The following FGF13 variants were observed in gnomAD, a reference collection of about 807,000 sequenced individuals.
FGF13 encodes fibroblast growth factor 13.
A neutral mutation model predicts 19.5 loss-of-function variants in FGF13; 2 were observed. The observed-to-expected ratio is 0.10, with a 90% CI of 0.04 to 0.32. FGF13 has a LOEUF of 0.32. Ranked by LOEUF, FGF13 falls within the 10% of genes least tolerant of loss-of-function variation. FGF13 has a pLI of 1.00. For synonymous variants in FGF13, 72 were observed against 76.9 expected, an observed-to-expected ratio of 0.94 and a Z score of 0.33; for missense variants, 113 against 192.7, an observed-to-expected ratio of 0.59 and a Z score of 2.45.
At chrX:139,020,721 G>C (rs1213843933) in intron 1 of FGF13, among the ~76,000 whole-genome samples, 3 of 111,598 alleles carry the variant, frequency 2.7e-5, no homozygotes, top group Non-Finnish European at 3.8e-5. Context: ...TAATGGTCAA[G>C]TCACATTCTT....
At chrX:139,086,808 G>A (rs1287522227) in intron 1 of FGF13, among the ~76,000 whole-genome samples, 1 of 112,793 alleles carries the variant, frequency 8.9e-6, no homozygotes, top group African/African-American at 3.2e-5. Context: ...TTATTCATGT[G>A]AAAATTTTTG....
chrX:138,721,149 A>G (rs746063479), intron 1 of FGF13, among the ~76,000 whole-genome samples: 10 of 111,917 alleles, frequency 8.9e-5, no homozygotes, highest in African/African-American at 3.2e-4. Context: ...CATGTATGTC[A>G]TGGTAAGTCA....
At chrX:138,690,458 A>G (rs1419089155) in intron 3 of FGF13, among the ~76,000 whole-genome samples, 1 of 111,041 alleles carries the variant, frequency 9.0e-6, no homozygotes, top group Non-Finnish European at 1.9e-5. Flanking sequence ...GGACTTTGAT[A>G]CATCTAAAAG....
chrX:138,682,574 T>C, intron 3 of FGF13, among the ~76,000 whole-genome samples: 1 of 112,129 alleles, frequency 8.9e-6, no homozygotes, highest in Non-Finnish European at 1.9e-5. Context: ...GTAATTGTGG[T>C]AGTTAGAGGC....
rs1012086948 is a variant in FGF13 at position 138,665,034 on chromosome X, G to C, written c.403-29379C>G. On this transcript the variant is annotated intron_variant, in intron 3 of 4. Transcript: ENST00000315930. ...AACACAACCAAGATCTTTGTTTGTA[G>C]GAAAGGGGTTCTCAGTGACCTAGAG... Among the ~76,000 whole-genome samples the C allele has an allele frequency of 3.6e-5, 4 of 110,986 alleles. No individual in the cohort carries two copies. In the East Asian group the frequency reaches 1.2e-3, roughly 32 times the overall value.
intron 3 of FGF13, among the ~76,000 whole-genome samples, chrX:138,745,262 A>G (rs2017465): frequency 0.29 from 32,389 of 111,067 alleles, 3,566 homozygotes; most frequent in East Asian, 0.58. Flanking sequence ...TGTGAATCTT[A>G]TTAGTAGGAA....
At chrX:138,732,635 T>A (rs761854331) in intron 1 of FGF13, among the ~76,000 whole-genome samples, 22 of 111,512 alleles carry the variant, frequency 2.0e-4, no homozygotes, top group Admixed American at 8.6e-4. Flanking sequence ...TTTGGGGTGA[T>A]GAAAATATTC....
rs754951194 is a variant in FGF13 at position 139,048,563 on chromosome X, G to GTTTTT, written c.-113+154848_-113+154852dup. Among the ~76,000 whole-genome samples, 31 of 88,710 alleles carry GTTTTT rather than the reference G, an allele frequency of 3.5e-4. 1 individual carries two copies. Among genetic ancestry groups the GTTTTT allele is most frequent in the African/African-American group, 1.1e-3 (26 of 24,549 alleles). The allele number at this position is 88,710 out of a possible 115,157, so 77.0% of individuals were successfully genotyped here. On this transcript the variant is annotated intron_variant, in intron 1 of 2. Transcript: ENST00000421460. ...ATGTCTCTCACCTTCTACAGCTCTT[G>GTTTTT]TTTTTTTTTTTTTTTCTATTGAATA... is the stretch of plus-strand genomic sequence containing the variant.
At chrX:138,750,570 A>T (rs1477271284) in intron 3 of FGF13, among the ~76,000 whole-genome samples, 1 of 111,210 alleles carries the variant, frequency 9.0e-6, no homozygotes, top group Admixed American at 9.6e-5. Flanking sequence ...AATGTGCACA[A>T]CATCACTCAA....
intron 1 of FGF13, among the ~76,000 whole-genome samples, chrX:139,076,861 A>G (rs192090816): frequency 6.3e-4 from 71 of 112,364 alleles, no homozygotes; most frequent in African/African-American, 2.3e-3. Context: ...CCCATGCACA[A>G]ATTATGTATC....
intron 1 of FGF13, among the ~76,000 whole-genome samples, chrX:139,042,853 A>T (rs766082678): frequency 1.8e-5 from 2 of 111,972 alleles, no homozygotes; most frequent in Admixed American, 1.9e-4. Context: ...GATTCTGATT[A>T]GTGCATTACG....
intron 1 of FGF13, 152 bp downstream of exon 1, chrX:138,710,665 G>T: frequency 1.0e-6 from 1 of 996,773 alleles, no homozygotes; most frequent in Non-Finnish European, 1.3e-6. Context: ...AGGCAAGAAA[G>T]CCAGCGCCTT....
At chrX:139,047,072 G>C (rs1269851262) in intron 1 of FGF13, among the ~76,000 whole-genome samples, 1 of 112,500 alleles carries the variant, frequency 8.9e-6, no homozygotes, top group Non-Finnish European at 1.9e-5. Flanking sequence ...TGGGATCTGA[G>C]AGCCTTGCTG....
At chrX:139,192,822 TG>T (rs1208886189) in intron 1 of FGF13, among the ~76,000 whole-genome samples, 5 of 111,653 alleles carry the variant, frequency 4.5e-5, no homozygotes, top group Non-Finnish European at 9.4e-5. Context: ...ATGGCTATGA[TG>T]GGCACCAGAT....
chrX:139,192,364 C>A (rs987553417), intron 1 of FGF13, among the ~76,000 whole-genome samples: 2 of 111,986 alleles, frequency 1.8e-5, no homozygotes, highest in Non-Finnish European at 3.8e-5. Flanking sequence ...GTGATTGTCT[C>A]TAGGACAATG....
chrX:139,191,114 T>C lies in FGF13; in HGVS notation c.-113+12302A>G, dbSNP rs181244231. ...CAAGAGAGATGCACTCTGAACCAAA[T>C]CTCACTCTCAGCAGAGCAACTACTC... On this transcript the variant is annotated intron_variant, in intron 1 of 2. Coordinates refer to the FGF13 transcript ENST00000421460. Among the ~76,000 whole-genome samples, 11 of 112,125 alleles carry C rather than the reference T, an allele frequency of 9.8e-5. No homozygotes were observed. In the East Asian group the frequency reaches 3.1e-3, roughly 31 times the overall value.
chrX:139,187,980 C>T (rs1302238459), intron 1 of FGF13, among the ~76,000 whole-genome samples: 1 of 112,115 alleles, frequency 8.9e-6, no homozygotes, highest in East Asian at 2.8e-4. Flanking sequence ...TTCCAGGACA[C>T]TCTTATTCCT....
At chrX:138,816,427 AT>A (rs1357309945) in intron 3 of FGF13, among the ~76,000 whole-genome samples, 1 of 112,200 alleles carries the variant, frequency 8.9e-6, no homozygotes, top group Non-Finnish European at 1.9e-5. Context: ...TTTAACAAAA[AT>A]ATATGTATTT....
intron 3 of FGF13, among the ~76,000 whole-genome samples, chrX:138,701,190 G>A (rs1383105971): frequency 1.8e-5 from 2 of 112,102 alleles, no homozygotes; most frequent in African/African-American, 6.5e-5. Flanking sequence ...TGAAATTCTG[G>A]ATGATTTATC....
Sources: gnomAD v4.1 joint callset for allele counts (sites outside exome capture counted in the v4.1 genomes callset) on GRCh38, gnomAD v4.1.1 for gene constraint, MANE v1.5 for transcripts, NCBI Gene and HGNC (gene_info 2026-07-23, HGNC 2026-07-21) for gene names.